The following SASH1 variants were observed in gnomAD, a reference collection of about 807,000 sequenced individuals.
The protein encoded by SASH1 is SAM and SH3 domain-containing protein 1.
SASH1 carries 44 observed loss-of-function variants against 125.2 expected under a neutral mutation model. The ratio of observed to expected loss-of-function variants is 0.35; its 90% confidence interval spans 0.28 to 0.45. SASH1 has a LOEUF of 0.45. SASH1 is among the 20% of genes least tolerant of loss of function. The probability of loss-of-function intolerance (pLI) is 1.00; values close to 1 mark genes in which losing one functional copy is unlikely to be tolerated. For synonymous variants in SASH1, 639 were observed against 649.1 expected, an observed-to-expected ratio of 0.98 and a Z score of 0.24; for missense variants, 1,426 against 1,614.5, an observed-to-expected ratio of 0.88 and a Z score of 2.00.
At chr6:148,328,651 C>G (rs1780907028) in intron 1 of SASH1, among the ~76,000 whole-genome samples, 1 of 151,738 alleles carries the variant, frequency 6.6e-6, no homozygotes, top group Non-Finnish European at 1.5e-5. Flanking sequence ...TAAGCTTGCT[C>G]CTGCTCCCAT....
At chr6:148,450,387 C>G (rs1777035716) in intron 4 of SASH1, among the ~76,000 whole-genome samples, 1 of 152,140 alleles carries the variant, frequency 6.6e-6, no homozygotes, top group Admixed American at 6.6e-5. Context: ...ACCCCAATTC[C>G]AGCCCAACTG....
At chr6:148,513,917 A>C (rs1780288182) in intron 8 of SASH1, 1 of 987,614 alleles carries the variant, frequency 1.0e-6, no homozygotes, top group African/African-American at 1.7e-5. Flanking sequence ...GTTGATGACC[A>C]CGTTAAACAG....
chr6:148,419,575 C>A (rs997136723), intron 2 of SASH1, among the ~76,000 whole-genome samples: 1 of 152,190 alleles, frequency 6.6e-6, no homozygotes, highest in Admixed American at 6.6e-5. Context: ...GGGATGCCGT[C>A]CGCCCTCCTG....
chr6:148,481,734 A>G (rs554676541), intron 7 of SASH1, among the ~76,000 whole-genome samples: 1 of 152,280 alleles, frequency 6.6e-6, no homozygotes, highest in Admixed American at 6.5e-5. Flanking sequence ...GCTCCCCAAA[A>G]CAATTACAAT....
In SASH1 at chr6:148,452,270, A is replaced by G. The variant is rs193092038; in HGVS notation, c.386+11863A>G. 6.6e-5 allele frequency among the ~76,000 whole-genome samples: 10 copies of G among 152,354 alleles called. No individual in the cohort carries two copies. The East Asian group carries it at 1.7e-3, about 26-fold the overall frequency. On this transcript the variant is annotated intron_variant, in intron 4 of 19. Coordinates refer to ENST00000367467, the MANE Select transcript of SASH1 (RefSeq NM_015278.5). The stretch of plus-strand genomic sequence containing the variant: ...GCCTTAATCAGTAGAGGCTGAGGGC[A>G]TGAGGGCCAGGTCACTGGCCAGGAG...
Position 148,549,685 on chromosome 6 carries a change from C to CT in SASH1, c.*1134dup, listed in dbSNP as rs1473691872. 2.5e-6 allele frequency: 1 copy of CT among 398,584 alleles called. No individual in the cohort carries two copies. Among genetic ancestry groups the CT allele is most frequent in the African/African-American group, 2.1e-5 (1 of 48,602 alleles). 24.7% of individuals were successfully genotyped at this position (398,584 alleles called of 1,614,324 possible). A position where few individuals can be genotyped will look rare whatever the true frequency, so the allele number is the denominator to read the frequency against. Reference sequence around the variant, plus strand: ...TACAACTAATACTATTATTATCCTTCTTTTTTTATTTAGATAATTCTTTTA... The same window carrying CT: ...TACAACTAATACTATTATTATCCTTCTTTTTTTTATTTAGATAATTCTTTTA... On this transcript the variant is annotated 3_prime_UTR_variant, in exon 20 of 20. Coordinates refer to ENST00000367467, the MANE Select transcript of SASH1 (RefSeq NM_015278.5).
chr6:148,409,271 T>C (rs555957377), intron 2 of SASH1, among the ~76,000 whole-genome samples: 13 of 152,358 alleles, frequency 8.5e-5, no homozygotes, highest in Admixed American at 7.2e-4. Flanking sequence ...GTGACTTGTA[T>C]TTTGCAGAAG....
chr6:148,239,733 G>A, the SASH1 span, among the ~76,000 whole-genome samples: 125 of 150,136 alleles, frequency 8.3e-4, no homozygotes, highest in African/African-American at 2.9e-3. Flanking sequence ...ACCAAAAATG[G>A]TTCATAAAAT....
intron 17 of SASH1, among the ~76,000 whole-genome samples, chr6:148,542,657 T>C (rs1015041833): frequency 9.2e-5 from 14 of 152,198 alleles, no homozygotes; most frequent in Non-Finnish European, 1.5e-5. Context: ...TAAGTTGTGA[T>C]GATTTTTCTA....
intron 2 of SASH1, among the ~76,000 whole-genome samples, chr6:148,396,763 CA>C (rs1395453556): frequency 2.0e-5 from 3 of 152,144 alleles, no homozygotes; most frequent in African/African-American, 7.2e-5. Flanking sequence ...GAGGGAGTCA[CA>C]GACTTGGTTC....
chr6:148,313,282 C>T (rs912043450), intron 1 of SASH1, among the ~76,000 whole-genome samples: 1 of 152,146 alleles, frequency 6.6e-6, no homozygotes, highest in Non-Finnish European at 1.5e-5. Flanking sequence ...AGTATTCACC[C>T]GGAGAAAATT....
intron 1 of SASH1, among the ~76,000 whole-genome samples, chr6:148,325,261 T>TGTTGTTGTTGTTGTTGTTG (rs1554235038): frequency 2.0e-5 from 3 of 149,878 alleles, no homozygotes; most frequent in African/African-American, 7.4e-5. Flanking sequence ...AAAAGCCTCT[T>TGTTGTTGTTGTTGTTGTTG]TTGTTGTTGT....
At chr6:148,426,497 C>T (rs1775830896) in intron 2 of SASH1, among the ~76,000 whole-genome samples, 3 of 152,130 alleles carry the variant, frequency 2.0e-5, no homozygotes, top group Non-Finnish European at 4.4e-5. Flanking sequence ...TTTCCATTGT[C>T]CCCGGGAAAT....
chr6:148,375,090 A>G (rs1583044653), intron 1 of SASH1, among the ~76,000 whole-genome samples: 1 of 152,012 alleles, frequency 6.6e-6, no homozygotes, highest in East Asian at 1.9e-4. Context: ...TCCTGGGCTC[A>G]GGTCATCCTC....
intron 1 of SASH1, among the ~76,000 whole-genome samples, chr6:148,337,441 G>T (rs1781193698): frequency 6.6e-6 from 1 of 152,050 alleles, no homozygotes; most frequent in South Asian, 2.1e-4. Context: ...AGCCAGGATG[G>T]TCTCGATCTC....
rs114184590 is a variant in SASH1 at position 148,418,788 on chromosome 6, G to A, written c.286-21396G>A. Among the ~76,000 whole-genome samples, 740 of 151,980 alleles carry A rather than the reference G, an allele frequency of 4.9e-3. 8 individuals carry two copies. The highest frequency in any genetic ancestry group is 0.017 in the African/African-American group (715 of 41,416). ...CACCTGATCCAGTCTTAGGGGATCA[G>A]GGAAGGCCCAGGAGGAGGCAGCATC... On this transcript the variant is annotated intron_variant, in intron 2 of 19. Coordinates refer to ENST00000367467, the MANE Select transcript of SASH1 (RefSeq NM_015278.5).
the SASH1 span, among the ~76,000 whole-genome samples, chr6:148,197,899 G>C: frequency 6.6e-6 from 1 of 152,158 alleles, no homozygotes; most frequent in Admixed American, 6.5e-5. Flanking sequence ...ACCCAGGCTG[G>C]AGTGCAGTGG....
At chr6:148,504,954 C>T (rs543567946) in intron 8 of SASH1, among the ~76,000 whole-genome samples, 1 of 152,156 alleles carries the variant, frequency 6.6e-6, no homozygotes, top group Non-Finnish European at 1.5e-5. Flanking sequence ...GGAGAGGCCG[C>T]TCAGGGGAAG....
the SASH1 span, among the ~76,000 whole-genome samples, chr6:148,245,548 G>A: frequency 1.3e-5 from 2 of 152,174 alleles, no homozygotes; most frequent in African/African-American, 4.8e-5. Flanking sequence ...GGGTTCTTTA[G>A]TAAGGTTGAG....
Sources: gnomAD v4.1 joint callset for allele counts (sites outside exome capture counted in the v4.1 genomes callset) on GRCh38, gnomAD v4.1.1 for gene constraint, MANE v1.5 for transcripts, NCBI Gene and HGNC (gene_info 2026-07-23, HGNC 2026-07-21) for gene names.